GARIN1B: variants seen among roughly 807,000 people sequenced by gnomAD.
GARIN1B encodes the protein golgi associated RAB2 interactor 1B.
the GARIN1B span, chr7:128,716,925 G>T: frequency 6.2e-7 from 1 of 1,614,002 alleles, no homozygotes; most frequent in Non-Finnish European, 8.5e-7. Context: ...CTCATGGCCA[G>T]TGTCAAATGG....
the GARIN1B span, among the ~76,000 whole-genome samples, chr7:128,726,379 G>A: frequency 1.3e-5 from 2 of 152,202 alleles, no homozygotes; most frequent in East Asian, 3.8e-4. Context: ...TAATTGCTTT[G>A]TACAGACATT....
At chr7:128,719,214 T>C in the GARIN1B span, 1 of 764,310 alleles carries the variant, frequency 1.3e-6, no homozygotes, top group South Asian at 2.4e-5. Flanking sequence ...TTATTGAGTA[T>C]CATTTAGAAC....
chr7:128,731,701 T>G, the GARIN1B span: 2 of 154,886 alleles, frequency 1.3e-5, no homozygotes, highest in African/African-American at 4.8e-5. Flanking sequence ...TATCTGTTTT[T>G]CTTGCTAGTT....
the GARIN1B span, among the ~76,000 whole-genome samples, chr7:128,709,749 TC>T: frequency 1.6e-4 from 7 of 45,098 alleles, no homozygotes; most frequent in South Asian, 8.9e-4. Flanking sequence ...TCTCTCTCTC[TC>T]TTTTTTTTTT....
chr7:128,726,074 A>G, the GARIN1B span, among the ~76,000 whole-genome samples: 1 of 152,232 alleles, frequency 6.6e-6, no homozygotes, highest in East Asian at 1.9e-4. Flanking sequence ...TAGTGGTGGA[A>G]GAGAATAAAT....
At chr7:128,724,138 G>A in the GARIN1B span, among the ~76,000 whole-genome samples, 1 of 151,804 alleles carries the variant, frequency 6.6e-6, no homozygotes, top group Non-Finnish European at 1.5e-5. Context: ...AGCCTCCCAA[G>A]TAGCTGGGAT....
At chr7:128,719,381 C>T in the GARIN1B span, among the ~76,000 whole-genome samples, 1 of 151,958 alleles carries the variant, frequency 6.6e-6, no homozygotes, top group Non-Finnish European at 1.5e-5. Flanking sequence ...TCAACACTTT[C>T]AGTAGATTGT....
the GARIN1B span, chr7:128,730,037 C>T: frequency 6.2e-7 from 1 of 1,614,142 alleles, no homozygotes; most frequent in Non-Finnish European, 8.5e-7. Flanking sequence ...ACTCTGGCAG[C>T]CTCCACCGGG....
the GARIN1B span, among the ~76,000 whole-genome samples, chr7:128,722,649 C>CA: frequency 6.6e-6 from 1 of 151,980 alleles, no homozygotes; most frequent in Non-Finnish European, 1.5e-5. Context: ...ACTAAAAATA[C>CA]AAAAATTAGC....
At chr7:128,714,527 G>A in the GARIN1B span, among the ~76,000 whole-genome samples, 25 of 151,764 alleles carry the variant, frequency 1.6e-4, no homozygotes, top group Non-Finnish European at 3.1e-4. Context: ...GTGGTGAGCC[G>A]AGATCGCGCA....
chr7:128,728,441 T>TA, the GARIN1B span, among the ~76,000 whole-genome samples: 7 of 149,652 alleles, frequency 4.7e-5, no homozygotes, highest in Non-Finnish European at 1.0e-4. Flanking sequence ...GACTCAGACT[T>TA]AAAAAAAAAA....
chr7:128,727,728 C>T, the GARIN1B span, among the ~76,000 whole-genome samples: 1 of 152,132 alleles, frequency 6.6e-6, no homozygotes, highest in Non-Finnish European at 1.5e-5. Flanking sequence ...CATCCCATGC[C>T]TCCTTCATCC....
At chr7:128,715,617 T>C in the GARIN1B span, 10 of 1,614,154 alleles carry the variant, frequency 6.2e-6, no homozygotes, top group Non-Finnish European at 8.5e-6. Context: ...GAGGGACTGC[T>C]CTGCCGGGTG....
At chr7:128,715,048 G>A in the GARIN1B span, among the ~76,000 whole-genome samples, 1 of 152,160 alleles carries the variant, frequency 6.6e-6, no homozygotes, top group Admixed American at 6.6e-5. Flanking sequence ...TTTTAAAGTT[G>A]TGTGAGATAG....
the GARIN1B span, chr7:128,719,064 G>A: frequency 6.2e-7 from 1 of 1,613,924 alleles, no homozygotes; most frequent in Non-Finnish European, 8.5e-7. Flanking sequence ...AACTGCAGCA[G>A]CCCCTCAGGA....
chr7:128,716,100 C>A, the GARIN1B span, among the ~76,000 whole-genome samples: 1 of 152,218 alleles, frequency 6.6e-6, no homozygotes, highest in African/African-American at 2.4e-5. Context: ...CAGTCCTCTG[C>A]CTTCTCCTTG....
chr7:128,724,724 G>T, the GARIN1B span: 2 of 1,289,214 alleles, frequency 1.6e-6, no homozygotes, highest in Non-Finnish European at 2.0e-6. Context: ...AATGTCACCA[G>T]GAGAGAAAAA....
the GARIN1B span, among the ~76,000 whole-genome samples, chr7:128,716,530 G>T: frequency 1.3e-5 from 2 of 152,132 alleles, no homozygotes; most frequent in Non-Finnish European, 2.9e-5. Context: ...TCAATATAGT[G>T]GCTATCAACA....
the GARIN1B span, chr7:128,715,662 C>A: frequency 6.2e-7 from 1 of 1,614,120 alleles, no homozygotes; most frequent in Non-Finnish European, 8.5e-7. Flanking sequence ...TTTCTTGACT[C>A]CGTGGTGTTT....
Sources: gnomAD v4.1 joint callset for allele counts (sites outside exome capture counted in the v4.1 genomes callset) on GRCh38, gnomAD v4.1.1 for gene constraint, MANE v1.5 for transcripts, NCBI Gene and HGNC (gene_info 2026-07-23, HGNC 2026-07-21) for gene names.